RALGAPA1: variants seen among roughly 807,000 people sequenced by gnomAD.
The protein encoded by RALGAPA1 is ral GTPase-activating protein subunit alpha-1.
RALGAPA1 carries 52 observed loss-of-function variants against 269.6 expected under a neutral mutation model. The observed-to-expected ratio is 0.19, with a 90% CI of 0.15 to 0.24. RALGAPA1 has a LOEUF of 0.24. Among genes scored for constraint, RALGAPA1 ranks in the 10% least tolerant of loss-of-function variants. RALGAPA1 has a pLI of 1.00. For missense variants in RALGAPA1, 1,917 were observed against 3,013.9 expected (o/e 0.64, Z 8.52); for synonymous variants, 817 against 1,008.3 (o/e 0.81, Z 3.60).
intron 1 of RALGAPA1, among the ~76,000 whole-genome samples, chr14:35,795,523 T>C (rs539691337): frequency 2.0e-4 from 31 of 152,266 alleles, no homozygotes; most frequent in Admixed American, 3.9e-4. Flanking sequence ...TAAAATCTCA[T>C]AATTTGTGGG....
chr14:35,701,761 G>T (rs887099363), intron 16 of RALGAPA1, among the ~76,000 whole-genome samples: 18 of 151,924 alleles, frequency 1.2e-4, no homozygotes, highest in African/African-American at 4.4e-4. Flanking sequence ...TCCCACCTTA[G>T]GCTCCAGAGT....
At chr14:35,718,327 G>C (rs1274767608) in intron 16 of RALGAPA1, among the ~76,000 whole-genome samples, 4 of 152,106 alleles carry the variant, frequency 2.6e-5, no homozygotes, top group Non-Finnish European at 5.9e-5. Context: ...CATATGTAAA[G>C]CCATGATTCA....
Position 35,684,915 on chromosome 14 carries a change from G to T in RALGAPA1, c.4294+14C>A. On this transcript the variant is annotated intron_variant, in intron 20 of 41. Transcript: ENST00000680220. ...CAACATAAAACATAGTATTCAAATA[G>T]AAAAGATACTTGCTGTCAAATTTTC... is the stretch of plus-strand genomic sequence containing the variant. 6.2e-7 allele frequency: 1 copy of T among 1,610,052 alleles called. No homozygotes were observed. The highest frequency in any genetic ancestry group is 2.2e-5 in the East Asian group (1 of 44,804).
Position 35,627,433 on chromosome 14 carries a change from C to A in RALGAPA1, c.6514G>T (p.Glu2172Ter). 6.2e-7 allele frequency: 1 copy of A among 1,613,666 alleles called. No individual in the cohort carries two copies. ...GLSLQFKRFR[E>*]TVPTWDTIRD... ...ATTGTATCCCAAGTTGGTACAGTTT[C>A]TCTAAATCTTTTAAACTGGAGAGAA... The change falls in exon 34 of 42, where the codon GAA becomes TAA. Residue 2172 changes from glutamate to a stop codon, truncating the protein, a stop_gained. Transcript: ENST00000680220. LOFTEE classifies it high-confidence loss of function.
At chr14:35,726,681 G>T (rs1227961490) in intron 13 of RALGAPA1, among the ~76,000 whole-genome samples, 1 of 151,856 alleles carries the variant, frequency 6.6e-6, no homozygotes, top group Non-Finnish European at 1.5e-5. Context: ...TTACTTCAAG[G>T]GAAGTTTAAA....
At chr14:35,805,320 T>C (rs2077284302) in intron 1 of RALGAPA1, among the ~76,000 whole-genome samples, 1 of 151,416 alleles carries the variant, frequency 6.6e-6, no homozygotes, top group African/African-American at 2.4e-5. Flanking sequence ...CGTGCGCCTG[T>C]AATCCCAGCT....
At chr14:35,635,293 G>A (rs113112300) in intron 32 of RALGAPA1, among the ~76,000 whole-genome samples, 171 bp downstream of exon 32, 34 of 152,060 alleles carry the variant, frequency 2.2e-4, no homozygotes, top group African/African-American at 7.7e-4. Flanking sequence ...ATGAAACAAC[G>A]GTGTCTTGTA....
intron 41 of RALGAPA1, 152 bp from the exon 42 acceptor site, chr14:35,539,842 C>G: frequency 9.0e-7 from 1 of 1,112,010 alleles, no homozygotes; most frequent in South Asian, 1.7e-5. Flanking sequence ...GTTACAATAG[C>G]CTACTAATGT....
intron 16 of RALGAPA1, among the ~76,000 whole-genome samples, chr14:35,709,333 C>T (rs180818543): frequency 6.6e-6 from 1 of 151,850 alleles, no homozygotes; most frequent in Admixed American, 6.6e-5. Flanking sequence ...ATCTCATGTA[C>T]CCCATAAATA....
chr14:35,739,754 T>C (rs775975736), intron 11 of RALGAPA1, among the ~76,000 whole-genome samples: 7 of 152,106 alleles, frequency 4.6e-5, no homozygotes, highest in Non-Finnish European at 1.0e-4. Flanking sequence ...GTACTTATCA[T>C]CTCACTTCCA....
chr14:35,675,488 T>C (rs899468683), intron 22 of RALGAPA1, among the ~76,000 whole-genome samples: 1 of 152,218 alleles, frequency 6.6e-6, no homozygotes, highest in Non-Finnish European at 1.5e-5. Context: ...AAAATAAACA[T>C]TTTAACTAAA....
In RALGAPA1 at chr14:35,739,869, T is replaced by C. The variant is rs1167611791; in HGVS notation, c.1450-1219A>G. Among the ~76,000 whole-genome samples the C allele has an allele frequency of 5.3e-5, 8 of 152,184 alleles. 1 individual carries two copies. Among genetic ancestry groups the C allele is most frequent in the Non-Finnish European group, 1.2e-4 (8 of 68,036 alleles). On this transcript the variant is annotated intron_variant, in intron 11 of 41. Transcript: ENST00000680220. ...ACCTTCTCAAGTATGTAACTGTTCATGCTACTCTCTTATTCAAAGGCTTTC... is the reference window on the plus strand; with the variant it reads ...ACCTTCTCAAGTATGTAACTGTTCACGCTACTCTCTTATTCAAAGGCTTTC...
intron 35 of RALGAPA1, among the ~76,000 whole-genome samples, chr14:35,622,696 GT>G (rs2060715050): frequency 6.6e-6 from 1 of 152,170 alleles, no homozygotes; most frequent in African/African-American, 2.4e-5. Flanking sequence ...AAAATAGACT[GT>G]TTTTCAACAT....
chr14:35,722,912 A>C, intron 15 of RALGAPA1, 115 bp downstream of exon 15: 1 of 556,594 alleles, frequency 1.8e-6, no homozygotes, highest in African/African-American at 1.9e-5. Context: ...AATTCTTAAA[A>C]ATAAAATATT....
chr14:35,769,065 T>TACACACAC (rs1555434158), intron 4 of RALGAPA1, among the ~76,000 whole-genome samples: 4 of 77,796 alleles, frequency 5.1e-5, no homozygotes, highest in African/African-American at 1.8e-4. Context: ...TATATATATA[T>TACACACAC]ACACACACAT....
At chr14:35,590,677 A>T (rs1017934119) in intron 37 of RALGAPA1, among the ~76,000 whole-genome samples, 1 of 152,200 alleles carries the variant, frequency 6.6e-6, no homozygotes, top group African/African-American at 2.4e-5. Context: ...TTTCTTTATA[A>T]ATTACCCAGT....
intron 1 of RALGAPA1, among the ~76,000 whole-genome samples, chr14:35,797,335 G>A (rs1380082533): frequency 9.4e-6 from 1 of 106,058 alleles, no homozygotes. Context: ...CCTGGTGACA[G>A]AGCGAGACTC....
At chr14:35,741,802 G>C (rs1373982133) in intron 11 of RALGAPA1, among the ~76,000 whole-genome samples, 22 of 152,150 alleles carry the variant, frequency 1.4e-4, no homozygotes, top group Admixed American at 1.4e-3. Context: ...GAACCCAAAT[G>C]CCACCTCTAC....
chr14:35,756,957 A>G, intron 6 of RALGAPA1, 49 bp from the exon 7 acceptor site: 1 of 1,435,830 alleles, frequency 7.0e-7, no homozygotes, highest in African/African-American at 1.5e-5. Context: ...AAATTTAATA[A>G]AACAATAATA....
Sources: allele counts gnomAD v4.1 joint callset (sites outside exome capture counted in the v4.1 genomes callset), GRCh38; gene constraint gnomAD v4.1.1; transcripts MANE v1.5; gene names NCBI Gene and HGNC (gene_info 2026-07-23, HGNC 2026-07-21).